Variants in SLC9C1 observed in about 807,000 individuals in gnomAD.
SLC9C1 encodes solute carrier family 9 member C1.
In SLC9C1, 97 loss-of-function variants were observed where a neutral mutation model predicts 140.9. The observed-to-expected ratio is 0.69, with a 90% CI of 0.58 to 0.82. The LOEUF is 0.82. Ranked by LOEUF, SLC9C1 falls within the 40% of genes least tolerant of loss-of-function variation. The pLI is 0.00. For synonymous variants in SLC9C1, 440 were observed against 442.6 expected (o/e 0.99, Z 0.07); for missense variants, 1,340 against 1,389.3 (o/e 0.96, Z 0.56).
chr3:112,197,626 G>C (rs1377243590), intron 20 of SLC9C1, among the ~76,000 whole-genome samples: 1 of 152,092 alleles, frequency 6.6e-6, no homozygotes, highest in Non-Finnish European at 1.5e-5. Flanking sequence ...ATAGAATTCA[G>C]ATTTCCAAAA....
chr3:112,277,126 G>A (rs1047275357), intron 5 of SLC9C1, among the ~76,000 whole-genome samples: 1 of 151,906 alleles, frequency 6.6e-6, no homozygotes, highest in African/African-American at 2.4e-5. Context: ...TCTTGCATGA[G>A]GCTTTTTATT....
chr3:112,141,840 A>T (rs779928601), intron 28 of SLC9C1, among the ~76,000 whole-genome samples: 1 of 152,132 alleles, frequency 6.6e-6, no homozygotes, highest in Non-Finnish European at 1.5e-5. Flanking sequence ...ACTTGTATTG[A>T]TCTTTTCTAG....
intron 23 of SLC9C1, among the ~76,000 whole-genome samples, chr3:112,170,789 T>G (rs2077231202): frequency 6.6e-6 from 1 of 152,240 alleles, no homozygotes; most frequent in African/African-American, 2.4e-5. Flanking sequence ...TATCTTTTTT[T>G]GTGTGTAGTA....
chr3:112,192,309 A>G (rs2077680490), intron 20 of SLC9C1, among the ~76,000 whole-genome samples: 1 of 152,054 alleles, frequency 6.6e-6, no homozygotes, highest in African/African-American at 2.4e-5. Flanking sequence ...TCATTTCTCT[A>G]TCTTTTGATT....
At chr3:112,275,086 T>C in intron 5 of SLC9C1, 61 bp from the exon 6 acceptor site, 1 of 1,478,964 alleles carries the variant, frequency 6.8e-7, no homozygotes. Context: ...AAATTAAATG[T>C]TAAAGAATAC....
intron 23 of SLC9C1, among the ~76,000 whole-genome samples, chr3:112,174,002 G>A (rs932507582): frequency 1.3e-5 from 2 of 152,098 alleles, no homozygotes; most frequent in African/African-American, 4.8e-5. Context: ...GTATCTCATT[G>A]TGTTTTGATT....
chr3:112,194,006 CA>C (rs1176760535), intron 20 of SLC9C1, among the ~76,000 whole-genome samples: 1 of 152,048 alleles, frequency 6.6e-6, no homozygotes, highest in Non-Finnish European at 1.5e-5. Context: ...GGTGCAATAG[CA>C]ACTGGTCCCA....
intron 26 of SLC9C1, among the ~76,000 whole-genome samples, chr3:112,162,392 A>G (rs946032132): frequency 1.3e-5 from 2 of 152,028 alleles, no homozygotes; most frequent in Non-Finnish European, 2.9e-5. Context: ...ATTCAGTATG[A>G]TATTGGCTGT....
chr3:112,199,420 C>T lies in SLC9C1; in HGVS notation c.2424G>A (p.Lys808=), dbSNP rs543391842. ...TATTGAGCATAACATTAATTTCTTCCTTTGTTTTCACAGTGACAGCAATTT... is the reference window on the plus strand; with the variant it reads ...TATTGAGCATAACATTAATTTCTTCTTTTGTTTTCACAGTGACAGCAATTT... The part of the protein sequence containing the change: ...HPEIAVTVKT[K]EEINVMLNMA... Residue 808 remains lysine (K), a synonymous_variant, in exon 20 of 29, where the codon AAG becomes AAA. Transcript: ENST00000305815. 31 of 1,597,442 alleles carry T rather than the reference C, an allele frequency of 1.9e-5. No individual in the cohort carries two copies. The Admixed American group carries it at 3.4e-4, about 18-fold the overall frequency.
chr3:112,192,822 T>C (rs543073959), intron 20 of SLC9C1, among the ~76,000 whole-genome samples: 1 of 152,324 alleles, frequency 6.6e-6, no homozygotes, highest in South Asian at 2.1e-4. Flanking sequence ...TATTTTAAAA[T>C]TTTTTTCTGG....
chr3:112,215,406 A>G (rs1473699798), intron 15 of SLC9C1, among the ~76,000 whole-genome samples: 2 of 152,180 alleles, frequency 1.3e-5, no homozygotes, highest in South Asian at 2.1e-4. Context: ...TTAGGAAAAG[A>G]GGAAGTCAAA....
At chr3:112,269,186 T>C (rs1250062025) in intron 7 of SLC9C1, among the ~76,000 whole-genome samples, 2 of 152,170 alleles carry the variant, frequency 1.3e-5, no homozygotes, top group East Asian at 1.9e-4. Context: ...CATAGCTCAC[T>C]GCAGCCTCAA....
chr3:112,142,032 G>A (rs146207011), intron 28 of SLC9C1, among the ~76,000 whole-genome samples: 118 of 152,290 alleles, frequency 7.7e-4, no homozygotes, highest in African/African-American at 2.7e-3. Context: ...AGAAGTAGTA[G>A]TGCCTTGGAC....
intron 15 of SLC9C1, 22 bp downstream of exon 15, chr3:112,217,420 T>A (rs1384004354): frequency 6.4e-7 from 1 of 1,562,722 alleles, no homozygotes; most frequent in South Asian, 1.2e-5. Context: ...TAGCATTTCT[T>A]ATAAGGTTCA....
chr3:112,172,169 G>A (rs563376155), intron 23 of SLC9C1, among the ~76,000 whole-genome samples: 19 of 151,990 alleles, frequency 1.3e-4, no homozygotes, highest in Admixed American at 2.6e-4. Context: ...TTTGAAGAAT[G>A]GATATCTTAA....
At chr3:112,272,657 A>G (rs1374386765) in intron 6 of SLC9C1, among the ~76,000 whole-genome samples, 1 of 152,228 alleles carries the variant, frequency 6.6e-6, no homozygotes, top group Admixed American at 6.5e-5. Context: ...CTCCTACAGC[A>G]GAGTTTTTAC....
At chr3:112,173,653 G>C (rs939169204) in intron 23 of SLC9C1, among the ~76,000 whole-genome samples, 2 of 152,164 alleles carry the variant, frequency 1.3e-5, no homozygotes, top group African/African-American at 4.8e-5. Flanking sequence ...TGGTGTGTAT[G>C]TACCACATTT....
intron 7 of SLC9C1, among the ~76,000 whole-genome samples, chr3:112,267,575 C>CAACAAA (rs2079955370): frequency 1.8e-5 from 1 of 56,852 alleles, no homozygotes; most frequent in African/African-American, 7.0e-5. Context: ...GACTCCGTCT[C>CAACAAA]AAAAAAAAAA....
At chr3:112,279,002 C>A (rs1211682468) in intron 3 of SLC9C1, 145 bp from the exon 4 acceptor site, 4 of 703,990 alleles carry the variant, frequency 5.7e-6, no homozygotes, top group South Asian at 2.2e-5. Context: ...GTATCAAATT[C>A]TAGAAACTAC....
Sources: gnomAD v4.1 joint callset for allele counts (sites outside exome capture counted in the v4.1 genomes callset) on GRCh38, gnomAD v4.1.1 for gene constraint, MANE v1.5 for transcripts, NCBI Gene and HGNC (gene_info 2026-07-23, HGNC 2026-07-21) for gene names.